The following PPP6C variants were observed in gnomAD, a reference collection of about 807,000 sequenced individuals.
The protein encoded by PPP6C is serine/threonine-protein phosphatase 6 catalytic subunit.
PPP6C carries 11 observed loss-of-function variants against 39.8 expected under a neutral mutation model. That is an observed-to-expected ratio of 0.28 (90% CI 0.17 to 0.46). PPP6C has a LOEUF of 0.46. Among genes scored for constraint, PPP6C ranks in the 20% least tolerant of loss-of-function variants. The pLI, the probability that PPP6C is intolerant of heterozygous loss-of-function variation, is 1.00. For missense variants in PPP6C, 211 were observed against 373.9 expected, an observed-to-expected ratio of 0.56 and a Z score of 3.59; for synonymous variants, 129 against 130.3, an observed-to-expected ratio of 0.99 and a Z score of 0.07.
At chr9:125,156,995 T>C (rs1836092983) in intron 4 of PPP6C, among the ~76,000 whole-genome samples, 1 of 152,054 alleles carries the variant, frequency 6.6e-6, no homozygotes, top group East Asian at 1.9e-4. Context: ...TTTTTATTAT[T>C]AAACTTTAAG....
At position 125,188,160 on chromosome 9, in the gene PPP6C, C is replaced by T. The variant is rs766587114; in HGVS notation, c.75+1484G>A. 1.4e-3 allele frequency among the ~76,000 whole-genome samples: 215 copies of T among 152,108 alleles called. 2 individuals carry two copies. The highest frequency in any genetic ancestry group is 2.5e-3 in the Non-Finnish European group (170 of 68,008). On this transcript the variant is annotated intron_variant, in intron 1 of 6. Transcript: ENST00000373547. ...CAGCACTTTGGGAGGCCGAGGCGGG[C>T]GGATCACGAGTTCAGGAGATCGAGA...
At chr9:125,158,822 A>G (rs10986589) in intron 3 of PPP6C, among the ~76,000 whole-genome samples, 2,289 of 151,134 alleles carry the variant, frequency 0.015, 108 homozygotes, top group Admixed American at 0.083. Flanking sequence ...CCGCCACCAC[A>G]CCCGGCTGAT....
chr9:125,182,483 T>G (rs1361435616), intron 1 of PPP6C, among the ~76,000 whole-genome samples: 1 of 152,106 alleles, frequency 6.6e-6, no homozygotes, highest in Non-Finnish European at 1.5e-5. Flanking sequence ...CTCAACTAGC[T>G]AGCTAAGTAA....
At chr9:125,164,026 C>T (rs1176998038) in intron 2 of PPP6C, among the ~76,000 whole-genome samples, 3 of 151,338 alleles carry the variant, frequency 2.0e-5, no homozygotes, top group East Asian at 3.9e-4. Context: ...TTATTAAAGA[C>T]GGGGTTTCAC....
At chr9:125,167,828 ATGG>A (rs1829056318) in intron 2 of PPP6C, among the ~76,000 whole-genome samples, 2 of 1,240 alleles carry the variant, frequency 1.6e-3, no homozygotes, top group African/African-American at 7.1e-3. Context: ...GGAGTTTGAG[ATGG>A]GGGGGGGGGG....
intron 1 of PPP6C, chr9:125,172,049 T>C (rs201538738): frequency 6.7e-6 from 3 of 446,532 alleles, no homozygotes; most frequent in Middle Eastern, 3.4e-4. Flanking sequence ...TTAAACACAT[T>C]TTGGTACATC....
At chr9:125,171,963 A>G (rs1398646360) in intron 1 of PPP6C, 2 of 467,464 alleles carry the variant, frequency 4.3e-6, no homozygotes, top group Non-Finnish European at 8.8e-6. Flanking sequence ...AAATCTGTAT[A>G]TAAATACTCG....
chr9:125,157,889 C>T (rs1160055836), intron 4 of PPP6C, among the ~76,000 whole-genome samples: 2 of 151,946 alleles, frequency 1.3e-5, no homozygotes, highest in East Asian at 3.9e-4. Context: ...AGGGGTTTCA[C>T]CATATTGGTC....
intron 1 of PPP6C, among the ~76,000 whole-genome samples, chr9:125,177,234 C>T (rs989010357): frequency 6.6e-6 from 1 of 151,952 alleles, no homozygotes; most frequent in African/African-American, 2.4e-5. Flanking sequence ...ATTAGCCGGG[C>T]GTGGTGGCGG....
At chr9:125,171,478 CATATATATATATATATAT>C (rs59002869) in intron 1 of PPP6C, among the ~76,000 whole-genome samples, 16 of 83,514 alleles carry the variant, frequency 1.9e-4, no homozygotes, top group South Asian at 7.9e-4. Context: ...CACACACACA[CATATATATATATATATAT>C]ATATATATAT....
intron 6 of PPP6C, among the ~76,000 whole-genome samples, chr9:125,152,728 G>A (rs1835979950): frequency 6.6e-6 from 1 of 151,952 alleles, no homozygotes. Flanking sequence ...TACTCGGGAG[G>A]CTGAGACAGG....
intron 1 of PPP6C, among the ~76,000 whole-genome samples, chr9:125,177,287 T>C (rs939091228): frequency 1.3e-5 from 2 of 152,086 alleles, no homozygotes; most frequent in African/African-American, 4.8e-5. Context: ...GGCAGGAGAA[T>C]GGCGTGAACC....
rs1002860766 is a variant in PPP6C at position 125,148,104 on chromosome 9, C to T, written c.*1569G>A. 2.1e-5 allele frequency: 4 copies of T among 186,102 alleles called. No individual in the cohort carries two copies. Among genetic ancestry groups the T allele is most frequent in the Admixed American group, 8.5e-5 (2 of 23,608 alleles). 11.5% of individuals were successfully genotyped at this position (186,102 alleles called of 1,614,324 possible). A position where few individuals can be genotyped will look rare whatever the true frequency, so the allele number is the denominator to read the frequency against. ...AAAATTAAATCAAAACAGTATTGTG[C>T]TCAATTAATAAAAGAAAACCCTGAT... On this transcript the variant is annotated 3_prime_UTR_variant, in exon 7 of 7. Coordinates refer to ENST00000373547, the MANE Select transcript of PPP6C (RefSeq NM_002721.5).
At chr9:125,178,929 T>C (rs1829363367) in intron 1 of PPP6C, among the ~76,000 whole-genome samples, 1 of 152,130 alleles carries the variant, frequency 6.6e-6, no homozygotes, top group Admixed American at 6.6e-5. Flanking sequence ...AAGAGTTATC[T>C]GCAGGCCAGG....
chr9:125,164,079 C>A (rs1157720645), intron 2 of PPP6C, among the ~76,000 whole-genome samples: 1 of 152,054 alleles, frequency 6.6e-6, no homozygotes, highest in African/African-American at 2.4e-5. Flanking sequence ...CTCAGGTGAT[C>A]CACCCGCTTC....
At chr9:125,167,085 T>A (rs1047975517) in intron 2 of PPP6C, among the ~76,000 whole-genome samples, 1 of 151,870 alleles carries the variant, frequency 6.6e-6, no homozygotes, top group Non-Finnish European at 1.5e-5. Context: ...CTTTTTAATA[T>A]TTTTAGAGAT....
At chr9:125,169,331 G>T (rs1327321632) in intron 2 of PPP6C, among the ~76,000 whole-genome samples, 1 of 152,182 alleles carries the variant, frequency 6.6e-6, no homozygotes, top group Non-Finnish European at 1.5e-5. Context: ...ATATATGTTA[G>T]CAAGAACTGC....
intron 1 of PPP6C, among the ~76,000 whole-genome samples, chr9:125,174,334 C>T (rs1451664449): frequency 1.3e-5 from 2 of 152,010 alleles, no homozygotes; most frequent in African/African-American, 2.4e-5. Context: ...GAAAAAAGGG[C>T]TCCCAAAAGA....
Position 125,148,166 on chromosome 9 carries a change from T to C in PPP6C, c.*1507A>G, listed in dbSNP as rs534057389. 5.6e-6 allele frequency: 1 copy of C among 179,214 alleles called. No individual in the cohort carries two copies. Among genetic ancestry groups the C allele is most frequent in the Non-Finnish European group, 1.2e-5 (1 of 84,820 alleles). 11.1% of individuals were successfully genotyped at this position (179,214 alleles called of 1,614,324 possible). A position where few individuals can be genotyped will look rare whatever the true frequency, so the allele number is the denominator to read the frequency against. ...TGCCAAGAAGCTTAGACTATAAAGA[T>C]TTTTATTGCATTTTTAGGTAACCTG... On this transcript the variant is annotated 3_prime_UTR_variant, in exon 7 of 7. Transcript: ENST00000373547.
Sources: gnomAD v4.1 joint callset for allele counts (sites outside exome capture counted in the v4.1 genomes callset) on GRCh38, gnomAD v4.1.1 for gene constraint, MANE v1.5 for transcripts, NCBI Gene and HGNC (gene_info 2026-07-23, HGNC 2026-07-21) for gene names.